KCNQ5: variants seen among roughly 807,000 people sequenced by gnomAD.
The protein encoded by KCNQ5 is potassium voltage-gated channel subfamily KQT member 5.
Under a neutral mutation model 98.2 loss-of-function variants are expected in KCNQ5, and 30 were observed. The ratio of observed to expected loss-of-function variants is 0.31; its 90% CI spans 0.23 to 0.41. The LOEUF is 0.41. KCNQ5 is among the 10% of genes least tolerant of loss of function. KCNQ5 has a pLI of 1.00. For missense variants in KCNQ5, 835 were observed against 1,182.5 expected (o/e 0.71, Z 4.31); for synonymous variants, 458 against 449.4 (o/e 1.02, Z -0.24).
intron 10 of KCNQ5, among the ~76,000 whole-genome samples, chr6:73,152,664 T>C (rs1194477869): frequency 1.3e-5 from 2 of 152,178 alleles, no homozygotes; most frequent in African/African-American, 2.4e-5. Flanking sequence ...TGTTTTCTCA[T>C]AATAAAATGT....
At chr6:72,860,240 G>A (rs1777707936) in intron 1 of KCNQ5, among the ~76,000 whole-genome samples, 1 of 152,106 alleles carries the variant, frequency 6.6e-6, no homozygotes, top group African/African-American at 2.4e-5. Context: ...AATTAATTTT[G>A]TCTTCTTTTG....
intron 3 of KCNQ5, among the ~76,000 whole-genome samples, chr6:73,073,903 A>AT (rs1773407676): frequency 6.6e-6 from 1 of 152,166 alleles, no homozygotes; most frequent in South Asian, 2.1e-4. Flanking sequence ...TAATAGGGAG[A>AT]TTTTAAAATA....
chr6:73,195,649 C>A lies in KCNQ5; in HGVS notation c.*235C>A. Reference sequence around the variant, plus strand: ...TAGTAATGTACCTTGAGTTAAAAAGCCTGAGAAACCAAACACAGCTAATGC... The same window carrying A: ...TAGTAATGTACCTTGAGTTAAAAAGACTGAGAAACCAAACACAGCTAATGC... On this transcript the variant is annotated 3_prime_UTR_variant, in exon 14 of 14. Coordinates refer to ENST00000370398, the MANE Select transcript of KCNQ5 (RefSeq NM_019842.4). The A allele has an allele frequency of 2.0e-6, 1 of 512,506 alleles. No individual in the cohort carries two copies. The highest frequency in any genetic ancestry group is 3.6e-5 in the East Asian group (1 of 27,998). The allele number at this position is 512,506 out of a possible 1,614,324, so 31.7% of individuals were successfully genotyped here. A position where few individuals can be genotyped will look rare whatever the true frequency, so the allele number is the denominator to read the frequency against.
chr6:72,841,651 C>A (rs867963673), intron 1 of KCNQ5, among the ~76,000 whole-genome samples: 2 of 152,018 alleles, frequency 1.3e-5, no homozygotes, highest in African/African-American at 4.8e-5. Context: ...CCTTTTTCTG[C>A]CAATGTTATA....
chr6:73,157,730 G>C, intron 10 of KCNQ5: 1 of 777,558 alleles, frequency 1.3e-6, no homozygotes, highest in African/African-American at 1.7e-5. Context: ...AGGTCATAGG[G>C]GTCCCGAGCG....
chr6:73,138,572 G>A (rs890484091), intron 10 of KCNQ5, among the ~76,000 whole-genome samples: 4 of 152,224 alleles, frequency 2.6e-5, no homozygotes, highest in Non-Finnish European at 4.4e-5. Context: ...CTGAAAATCT[G>A]TCTCACATAC....
intron 11 of KCNQ5, among the ~76,000 whole-genome samples, chr6:73,170,253 G>A (rs557872645): frequency 3.9e-5 from 6 of 152,196 alleles, no homozygotes; most frequent in African/African-American, 1.4e-4. Flanking sequence ...TTTCAAAATG[G>A]GTTGAGTTCT....
chr6:72,637,044 C>A (rs921934765), intron 1 of KCNQ5, among the ~76,000 whole-genome samples: 1 of 152,132 alleles, frequency 6.6e-6, no homozygotes, highest in Non-Finnish European at 1.5e-5. Context: ...CACAGGAGTT[C>A]CCACTCATCA....
intron 1 of KCNQ5, among the ~76,000 whole-genome samples, chr6:72,654,791 C>T (rs989838552): frequency 6.6e-6 from 1 of 152,018 alleles, no homozygotes. Flanking sequence ...AAAATGATTA[C>T]ATACATCTAC....
intron 2 of KCNQ5, among the ~76,000 whole-genome samples, chr6:73,013,992 GTAAA>G (rs1770199472): frequency 6.6e-6 from 1 of 152,126 alleles, no homozygotes; most frequent in Non-Finnish European, 1.5e-5. Flanking sequence ...GATTCATGGG[GTAAA>G]TAGTCAAGTG....
chr6:73,121,682 A>G (rs939681685), intron 8 of KCNQ5, among the ~76,000 whole-genome samples: 1 of 152,198 alleles, frequency 6.6e-6, no homozygotes, highest in African/African-American at 2.4e-5. Context: ...ATCTTGGGAG[A>G]TATCAGCTGA....
chr6:73,171,207 A>G (rs1251629569), intron 11 of KCNQ5, among the ~76,000 whole-genome samples: 4 of 151,166 alleles, frequency 2.6e-5, no homozygotes, highest in African/African-American at 9.7e-5. Flanking sequence ...GCAGCAGCCT[A>G]AAAAAAAACA....
chr6:73,114,840 G>T (rs997859065), intron 7 of KCNQ5, among the ~76,000 whole-genome samples: 1 of 152,194 alleles, frequency 6.6e-6, no homozygotes, highest in Non-Finnish European at 1.5e-5. Context: ...AGAAGATGTT[G>T]CTTTGATGCC....
chr6:72,936,969 A>G (rs1479755034), intron 1 of KCNQ5, among the ~76,000 whole-genome samples: 1 of 152,180 alleles, frequency 6.6e-6, no homozygotes, highest in Non-Finnish European at 1.5e-5. Flanking sequence ...ATTTTGCATA[A>G]TTGAGATAGA....
chr6:73,188,982 C>CAAAAAAAAAAAAAAAAAAAAAAAAAA (rs67431655), intron 11 of KCNQ5, among the ~76,000 whole-genome samples: 2 of 82,426 alleles, frequency 2.4e-5, no homozygotes, highest in African/African-American at 4.5e-5. Flanking sequence ...GACTCTGTCT[C>CAAAAAAAAAAAAAAAAAAAAAAAAAA]AAAAAAAAAA....
At chr6:72,639,652 A>G (rs1409915690) in intron 1 of KCNQ5, among the ~76,000 whole-genome samples, 1 of 152,208 alleles carries the variant, frequency 6.6e-6, no homozygotes, top group East Asian at 1.9e-4. Context: ...GCAGTCTCTA[A>G]GAGAGATGCT....
chr6:73,100,799 G>A (rs1562178939), intron 5 of KCNQ5, among the ~76,000 whole-genome samples: 2 of 151,950 alleles, frequency 1.3e-5, no homozygotes, highest in African/African-American at 2.4e-5. Context: ...AGATGAAAAA[G>A]GAGACATTAA....
intron 1 of KCNQ5, among the ~76,000 whole-genome samples, chr6:72,624,463 T>C (rs1234335073): frequency 6.6e-6 from 1 of 152,232 alleles, no homozygotes; most frequent in Admixed American, 6.5e-5. Flanking sequence ...GTGCACATAC[T>C]TTGCATCTCC....
intron 10 of KCNQ5, among the ~76,000 whole-genome samples, chr6:73,150,943 T>C (rs539299618): frequency 6.6e-6 from 1 of 151,552 alleles, no homozygotes; most frequent in Non-Finnish European, 1.5e-5. Context: ...AGGGAGGAGG[T>C]GTGGCTCTAA....
Sources: allele counts gnomAD v4.1 joint callset (sites outside exome capture counted in the v4.1 genomes callset), GRCh38; gene constraint gnomAD v4.1.1; transcripts MANE v1.5; gene names NCBI Gene and HGNC (gene_info 2026-07-23, HGNC 2026-07-21).